IKBKB-DT: variants seen among roughly 807,000 people sequenced by gnomAD.
IKBKB-DT encodes the protein IKBKB divergent transcript, also known as IKBKB antisense RNA.
At chr8:42,236,480 CA>C (rs1158067873) in intron 3 of IKBKB-DT, among the ~76,000 whole-genome samples, 1 of 152,136 alleles carries the variant, frequency 6.6e-6, no homozygotes, top group Admixed American at 6.5e-5. Context: ...AAATAAATCA[CA>C]GGGGCTGGGC....
intron 3 of IKBKB-DT, among the ~76,000 whole-genome samples, chr8:42,244,823 C>G (rs1441889951): frequency 6.6e-6 from 1 of 152,232 alleles, no homozygotes; most frequent in Non-Finnish European, 1.5e-5. Flanking sequence ...CTGAACTGCA[C>G]TTCAGTGCTA....
At chr8:42,252,413 G>C (rs191918315) in intron 3 of IKBKB-DT, among the ~76,000 whole-genome samples, 4 of 152,106 alleles carry the variant, frequency 2.6e-5, no homozygotes, top group Non-Finnish European at 5.9e-5. Context: ...TCACTCCTGC[G>C]TGTGTCTGCA....
intron 3 of IKBKB-DT, among the ~76,000 whole-genome samples, chr8:42,236,064 A>C (rs980267062): frequency 3.3e-5 from 5 of 152,174 alleles, no homozygotes; most frequent in Non-Finnish European, 7.3e-5. Context: ...AACTAGAATT[A>C]TGACTGATAA....
exon 2 of IKBKB-DT, chr8:42,266,031 T>A (rs773809504): frequency 5.9e-5 from 9 of 152,210 alleles, no homozygotes; most frequent in African/African-American, 2.2e-4. Flanking sequence ...CCCACCCTCA[T>A]CTCCCACCAA....
At chr8:42,264,103 C>A (rs573660013) in intron 2 of IKBKB-DT, among the ~76,000 whole-genome samples, 1 of 151,030 alleles carries the variant, frequency 6.6e-6, no homozygotes, top group Non-Finnish European at 1.5e-5. Context: ...TGAGCCACTA[C>A]GCCCAGCTGG....
chr8:42,259,717 C>T (rs1807255657), intron 3 of IKBKB-DT, among the ~76,000 whole-genome samples: 1 of 152,176 alleles, frequency 6.6e-6, no homozygotes, highest in Admixed American at 6.5e-5. Flanking sequence ...CTCAGTGGCT[C>T]ACACCTGTAA....
intron 2 of IKBKB-DT, among the ~76,000 whole-genome samples, chr8:42,263,874 C>T (rs113093375): frequency 0.031 from 4,780 of 152,260 alleles, 102 homozygotes; most frequent in Non-Finnish European, 0.042. Flanking sequence ...TGCAATGGCA[C>T]GATTTTGGCT....
At chr8:42,243,343 T>G (rs759562854) in intron 3 of IKBKB-DT, among the ~76,000 whole-genome samples, 1 of 151,998 alleles carries the variant, frequency 6.6e-6, no homozygotes, top group African/African-American at 2.4e-5. Flanking sequence ...GAAGAGGAGG[T>G]AATAGACTAT....
At chr8:42,252,222 G>A (rs912162015) in intron 3 of IKBKB-DT, among the ~76,000 whole-genome samples, 15 of 152,238 alleles carry the variant, frequency 9.9e-5, no homozygotes, top group Admixed American at 3.3e-4. Flanking sequence ...CTATGCAAAC[G>A]GCACACCTGG....
chr8:42,268,129 A>ATTTTTTTT, intron 1 of IKBKB-DT, among the ~76,000 whole-genome samples: 1 of 130,382 alleles, frequency 7.7e-6, no homozygotes, highest in Non-Finnish European at 1.6e-5. Context: ...GTGCTCAATA[A>ATTTTTTTT]TTTTTTTTTT....
rs555401294 is a variant in IKBKB-DT at position 42,252,015 on chromosome 8, C to T, written n.1529+11314G>A. On this transcript the variant is annotated intron_variant and non_coding_transcript_variant, in intron 3 of 3. Transcript: ENST00000518213. Reference sequence around the variant, plus strand: ...CAGACATAGATAAGCAAGCTGGAAGCTTGCATAAGTGAATGCTGGCTGCTG... The same window carrying T: ...CAGACATAGATAAGCAAGCTGGAAGTTTGCATAAGTGAATGCTGGCTGCTG... 1.1e-4 allele frequency among the ~76,000 whole-genome samples: 17 copies of T among 152,314 alleles called. No individual in the cohort carries two copies. In the South Asian group the frequency reaches 2.9e-3, roughly 26 times the overall value.
At chr8:42,270,574 G>A (rs1227124395) in intron 1 of IKBKB-DT, 1 of 152,250 alleles carries the variant, frequency 6.6e-6, no homozygotes, top group Non-Finnish European at 1.5e-5. Flanking sequence ...CTATAGATGT[G>A]AGCTATTATT....
chr8:42,235,566 C>G (rs541667980), intron 3 of IKBKB-DT, among the ~76,000 whole-genome samples: 1 of 152,036 alleles, frequency 6.6e-6, no homozygotes, highest in Non-Finnish European at 1.5e-5. Context: ...ATGGCCCCAC[C>G]CAGGAACTGA....
chr8:42,255,072 C>T (rs764514505), intron 3 of IKBKB-DT, among the ~76,000 whole-genome samples: 30 of 151,792 alleles, frequency 2.0e-4, no homozygotes, highest in African/African-American at 3.6e-4. Context: ...TGAAGAGCGC[C>T]GCTGCCCAGC....
At chr8:42,263,033 G>A (rs182957703) in intron 3 of IKBKB-DT, among the ~76,000 whole-genome samples, 288 of 149,170 alleles carry the variant, frequency 1.9e-3, no homozygotes, top group African/African-American at 6.7e-3. Context: ...GAGCCACTAC[G>A]CCCTGCTAAT....
chr8:42,260,992 A>G (rs1297060974), intron 3 of IKBKB-DT, among the ~76,000 whole-genome samples: 3 of 152,188 alleles, frequency 2.0e-5, no homozygotes, highest in Admixed American at 2.0e-4. Flanking sequence ...AAAACACCCC[A>G]AGAGCTGGCA....
intron 3 of IKBKB-DT, among the ~76,000 whole-genome samples, chr8:42,240,398 G>A (rs1206086830): frequency 6.6e-6 from 1 of 151,842 alleles, no homozygotes; most frequent in Admixed American, 6.6e-5. Context: ...GCCGAGGCGG[G>A]CAGATCACGA....
chr8:42,238,024 CAAAAAAA>C lies in IKBKB-DT; in HGVS notation n.1530-4172_1530-4166del, dbSNP rs35087510. 7.7e-4 allele frequency among the ~76,000 whole-genome samples: 27 copies of C among 35,256 alleles called. No homozygotes were observed. The East Asian group carries it at 7.7e-3, about 10-fold the overall frequency. 23.1% of individuals were successfully genotyped at this position (35,256 alleles called of 152,430 possible). ...TGGGCAACAGAGCAAGGCCCTCTCT[CAAAAAAA>C]AAAAAAAAAAAAAAAAAAAAAAAGG... On this transcript the variant is annotated intron_variant and non_coding_transcript_variant, in intron 3 of 3. Coordinates refer to ENST00000518213, the Ensembl canonical transcript of IKBKB-DT.
intron 3 of IKBKB-DT, among the ~76,000 whole-genome samples, chr8:42,245,469 C>T (rs752035675): frequency 1.3e-5 from 2 of 152,204 alleles, no homozygotes; most frequent in Non-Finnish European, 2.9e-5. Flanking sequence ...AGGCCATCTG[C>T]CAGCAGCTCC....
Sources: gnomAD v4.1 joint callset for allele counts (sites outside exome capture counted in the v4.1 genomes callset) on GRCh38, gnomAD v4.1.1 for gene constraint, MANE v1.5 for transcripts, NCBI Gene and HGNC (gene_info 2026-07-23, HGNC 2026-07-21) for gene names.